Variants in PI4KA observed in about 807,000 individuals in gnomAD.
The protein encoded by PI4KA is phosphatidylinositol 4-kinase alpha.
In PI4KA, 122 loss-of-function variants were observed where a neutral mutation model predicts 271.4. That is an observed-to-expected ratio of 0.45 (90% CI 0.39 to 0.52). The LOEUF is 0.52. Among genes scored for constraint, PI4KA ranks in the 20% least tolerant of loss-of-function variants. PI4KA has a pLI of 0.00. For missense variants in PI4KA, 1,969 were observed against 2,769.1 expected, an observed-to-expected ratio of 0.71 and a Z score of 6.48; for synonymous variants, 1,041 against 1,078.8, an observed-to-expected ratio of 0.96 and a Z score of 0.69.
At chr22:20,814,799 A>G (rs1045919758) in intron 7 of PI4KA, among the ~76,000 whole-genome samples, 10 of 152,034 alleles carry the variant, frequency 6.6e-5, no homozygotes, top group African/African-American at 2.4e-4. Context: ...TTTTACCACA[A>G]TAAAAAAAAA....
intron 1 of PI4KA, among the ~76,000 whole-genome samples, chr22:20,854,263 G>A (rs1927329209): frequency 6.6e-6 from 1 of 152,146 alleles, no homozygotes; most frequent in African/African-American, 2.4e-5. Flanking sequence ...TGGGATTACA[G>A]GCGTCCGCCA....
chr22:20,750,983 C>T (rs891475059), intron 27 of PI4KA, among the ~76,000 whole-genome samples: 6 of 152,208 alleles, frequency 3.9e-5, no homozygotes, highest in Non-Finnish European at 7.3e-5. Context: ...GACGCAGACT[C>T]GAGAGGCTAT....
chr22:20,763,361 C>T (rs1932198332), intron 22 of PI4KA, among the ~76,000 whole-genome samples: 1 of 152,042 alleles, frequency 6.6e-6, no homozygotes, highest in Admixed American at 6.6e-5. Flanking sequence ...CTGCCTGCCT[C>T]GGCCTCCCAA....
intron 14 of PI4KA, among the ~76,000 whole-genome samples, chr22:20,800,463 C>T (rs980581153): frequency 6.6e-6 from 1 of 152,080 alleles, no homozygotes; most frequent in African/African-American, 2.4e-5. Context: ...TTAAACATTC[C>T]ACAGAAAACA....
At position 20,854,973 on chromosome 22, in the gene PI4KA, G is replaced by A. The variant is rs554475342; in HGVS notation, c.156+3597C>T. Among the ~76,000 whole-genome samples the A allele has an allele frequency of 5.3e-5, 8 of 152,140 alleles. No individual in the cohort carries two copies. In the East Asian group the frequency reaches 1.2e-3, roughly 22 times the overall value. ...TTGAGACCAGCCTGGCCAACACGGC[G>A]AAACCCCATCTCTACTAAAAATACA... On this transcript the variant is annotated intron_variant, in intron 1 of 54. Coordinates refer to ENST00000255882, the MANE Select transcript of PI4KA (RefSeq NM_058004.4).
chr22:20,842,824 A>C (rs200324623), intron 1 of PI4KA, among the ~76,000 whole-genome samples: 2 of 66,302 alleles, frequency 3.0e-5, no homozygotes, highest in South Asian at 4.5e-4. Context: ...CAAAAAAAAA[A>C]AAAAGGCCGG....
At chr22:20,753,249 T>A (rs1930909111) in intron 23 of PI4KA, 69 bp from the exon 24 acceptor site, 3 of 1,422,758 alleles carry the variant, frequency 2.1e-6, no homozygotes, top group Non-Finnish European at 2.9e-6. Context: ...TTTCAATCAT[T>A]TTCTTTTGAA....
intron 32 of PI4KA, among the ~76,000 whole-genome samples, chr22:20,741,780 TTTATC>T (rs1262503340): frequency 6.6e-6 from 1 of 152,146 alleles, no homozygotes; most frequent in Non-Finnish European, 1.5e-5. Flanking sequence ...TTCTTAAGCG[TTTATC>T]TAATCAGCTG....
chr22:20,765,700 T>C lies in PI4KA; in HGVS notation c.2329-7A>G. The C allele has an allele frequency of 1.3e-6, 2 of 1,591,874 alleles. No individual in the cohort carries two copies. The highest frequency in any genetic ancestry group is 1.1e-5 in the South Asian group (1 of 90,596). On this transcript the variant is annotated splice_polypyrimidine_tract_variant and splice_region_variant and intron_variant, in intron 19 of 54. Transcript: ENST00000255882. Reference sequence around the variant, plus strand: ...GTGGCAGTCGTCGGGTGAGCTGATGTGCCAAGAAGAGAGGGAGAAAGGAGG... The same window carrying C: ...GTGGCAGTCGTCGGGTGAGCTGATGCGCCAAGAAGAGAGGGAGAAAGGAGG...
chr22:20,856,053 G>A lies in PI4KA; in HGVS notation c.156+2517C>T, dbSNP rs145658781. Among the ~76,000 whole-genome samples, 867 of 152,288 alleles carry A rather than the reference G, an allele frequency of 5.7e-3. 5 individuals carry two copies. Among genetic ancestry groups the A allele is most frequent in the African/African-American group, 0.019 (799 of 41,550 alleles). On this transcript the variant is annotated intron_variant, in intron 1 of 54. Coordinates refer to ENST00000255882, the MANE Select transcript of PI4KA (RefSeq NM_058004.4). ...TCCCGGCACTTTGGGAGACCAAGGC[G>A]GGTGGATTACTTGAAGTCAGGAGTT...
chr22:20,716,835 G>A (rs1030732286), intron 45 of PI4KA, among the ~76,000 whole-genome samples: 4 of 152,264 alleles, frequency 2.6e-5, no homozygotes, highest in African/African-American at 9.6e-5. Flanking sequence ...TCAACACAAT[G>A]TGTTGGGAAG....
chr22:20,856,600 A>C (rs117628474), intron 1 of PI4KA, among the ~76,000 whole-genome samples: 3 of 151,986 alleles, frequency 2.0e-5, no homozygotes, highest in African/African-American at 7.2e-5. Flanking sequence ...ACACCTGGCT[A>C]ATGTTGGGTT....
chr22:20,787,126 A>G lies in PI4KA; in HGVS notation c.2328+6067T>C, dbSNP rs548830121. 8.6e-5 allele frequency: 122 copies of G among 1,417,728 alleles called. No individual in the cohort carries two copies. The Middle Eastern group carries it at 1.5e-3, about 17-fold the overall frequency. 87.8% of individuals were successfully genotyped at this position (1,417,728 alleles called of 1,614,324 possible). On this transcript the variant is annotated intron_variant, in intron 19 of 54. Transcript: ENST00000255882. ...GCACCCTCATTTTGTTTCCATTCCA[A>G]CAACGAGAACAGAGATGTTCTGGCA...
At chr22:20,815,379 C>CTTAA (rs1921649581) in intron 7 of PI4KA, among the ~76,000 whole-genome samples, 1 of 83,970 alleles carries the variant, frequency 1.2e-5, no homozygotes, top group Non-Finnish European at 2.4e-5. Flanking sequence ...GACTGCGTCT[C>CTTAA]AAAAAAAAAA....
chr22:20,839,173 T>C (rs1424323914), intron 1 of PI4KA, among the ~76,000 whole-genome samples: 1 of 152,046 alleles, frequency 6.6e-6, no homozygotes, highest in East Asian at 1.9e-4. Flanking sequence ...GCCAAGATCG[T>C]GCCACTGCAC....
Position 20,726,526 on chromosome 22 carries a change from A to G in PI4KA, c.4957T>C (p.Tyr1653His), listed in dbSNP as rs1462636123. ...AGGGCCTGCACAATCTGGGGGATGT[A>G]GAAGAGGATGGCGTCCTGTGGAGGT... Reference protein sequence around the residue: ...RSFPPDAILFYIPQIVQALRY... With the variant: ...RSFPPDAILFHIPQIVQALRY... The change falls in exon 42 of 55, where the codon TAC becomes CAC. Residue 1653 changes from tyrosine to histidine, a missense_variant. Coordinates refer to ENST00000255882, the MANE Select transcript of PI4KA (RefSeq NM_058004.4). The G allele has an allele frequency of 6.3e-7, 1 of 1,583,264 alleles. No individual in the cohort carries two copies. The highest frequency in any genetic ancestry group is 8.6e-7 in the Non-Finnish European group (1 of 1,168,056).
intron 47 of PI4KA, among the ~76,000 whole-genome samples, chr22:20,713,810 G>A (rs1057240400): frequency 6.6e-6 from 1 of 152,204 alleles, no homozygotes; most frequent in Non-Finnish European, 1.5e-5. Context: ...CTCCACAGCT[G>A]GCCACACCGT....
intron 3 of PI4KA, among the ~76,000 whole-genome samples, chr22:20,831,465 G>A (rs117022216): frequency 0.069 from 10,426 of 152,146 alleles, 347 homozygotes; most frequent in East Asian, 0.078. Flanking sequence ...TTACTCAGGA[G>A]GCTGAGGCAT....
intron 22 of PI4KA, among the ~76,000 whole-genome samples, chr22:20,763,933 T>C (rs775281262): frequency 2.0e-5 from 3 of 152,192 alleles, no homozygotes; most frequent in Non-Finnish European, 2.9e-5. Context: ...CTTTCTTTTA[T>C]GTATTGAGCT....
Sources: allele counts gnomAD v4.1 joint callset (sites outside exome capture counted in the v4.1 genomes callset), GRCh38; gene constraint gnomAD v4.1.1; transcripts MANE v1.5; gene names NCBI Gene and HGNC (gene_info 2026-07-23, HGNC 2026-07-21).